The following LYZL2 variants were observed in gnomAD, a reference collection of about 807,000 sequenced individuals.
LYZL2 encodes lysozyme like 2, also known as lysozyme-like protein 2.
Under a neutral mutation model 17.1 loss-of-function variants are expected in LYZL2, and 13 were observed. The ratio of observed to expected loss-of-function variants is 0.76; its 90% confidence interval spans 0.49 to 1.21. LYZL2 has a LOEUF of 1.21. Among genes scored for constraint, LYZL2 ranks in the 50% most tolerant of loss-of-function variants. LYZL2 has a pLI of 0.00. For missense variants in LYZL2, 166 were observed against 189.2 expected (o/e 0.88, Z 0.72); for synonymous variants, 63 against 74.4 (o/e 0.85, Z 0.79).
downstream of LYZL2, among the ~76,000 whole-genome samples, chr10:30,611,570 G>GGAAA (rs71023593): frequency 0.021 from 1,124 of 53,968 alleles, 31 homozygotes; most frequent in Non-Finnish European, 0.024. Flanking sequence ...AAGGAAGGAA[G>GGAAA]GAAAGAAAGA....
chr10:30,628,113 T>C (rs753970151), intron 1 of LYZL2, among the ~76,000 whole-genome samples: 4 of 151,980 alleles, frequency 2.6e-5, no homozygotes, highest in Non-Finnish European at 5.9e-5. Context: ...TGAGCGGAGA[T>C]TGCGCCACTG....
intron 3 of LYZL2, among the ~76,000 whole-genome samples, chr10:30,613,482 G>C (rs546071634): frequency 9.6e-5 from 14 of 145,116 alleles, no homozygotes; most frequent in African/African-American, 3.6e-4. Flanking sequence ...GGGCAACAGA[G>C]TGAGACTCTG....
chr10:30,610,211 G>C (rs951359528), downstream of LYZL2, among the ~76,000 whole-genome samples: 2 of 152,182 alleles, frequency 1.3e-5, no homozygotes, highest in African/African-American at 4.8e-5. Context: ...TCTGGGCTGG[G>C]TTTGAAAAGC....
rs867335257 is a variant in LYZL2 at position 30,626,625 on chromosome 10, G to A, written c.139+152C>T. Reference sequence around the variant, plus strand: ...CAGGGGAGGAAGGAGAGGAGACCCAGAGAGCCACAGTTAGGCCAGCAGCCA... The same window carrying A: ...CAGGGGAGGAAGGAGAGGAGACCCAAAGAGCCACAGTTAGGCCAGCAGCCA... On this transcript the variant is annotated intron_variant, in intron 2 of 4. Coordinates refer to ENST00000647634, the MANE Select transcript of LYZL2 (RefSeq NM_183058.3). 2.8e-6 allele frequency: 3 copies of A among 1,061,682 alleles called. No homozygotes were observed. The Middle Eastern group carries it at 8.9e-4, about 315-fold the overall frequency. 65.8% of individuals were successfully genotyped at this position (1,061,682 alleles called of 1,614,324 possible).
intron 3 of LYZL2, among the ~76,000 whole-genome samples, chr10:30,616,775 T>C (rs534218009): frequency 1.3e-5 from 2 of 152,378 alleles, no homozygotes; most frequent in Admixed American, 1.3e-4. Flanking sequence ...GCTTAAATTC[T>C]GTTTTCCTCT....
At chr10:30,619,279 G>T (rs962925600) in intron 3 of LYZL2, among the ~76,000 whole-genome samples, 1 of 152,166 alleles carries the variant, frequency 6.6e-6, no homozygotes, top group Admixed American at 6.5e-5. Flanking sequence ...CAATTCCTCA[G>T]GGATCTAGAA....
intron 3 of LYZL2, among the ~76,000 whole-genome samples, chr10:30,622,564 G>GA (rs143501802): frequency 0.6 from 90,602 of 150,160 alleles, 27,872 homozygotes; most frequent in Non-Finnish European, 0.63. Context: ...AACAAAAAAA[G>GA]AAAAAAAAAG....
chr10:30,620,523 T>C (rs528800016), intron 3 of LYZL2, among the ~76,000 whole-genome samples: 14 of 152,350 alleles, frequency 9.2e-5, no homozygotes, highest in Admixed American at 5.9e-4. Flanking sequence ...GTGTCTTTTG[T>C]TGAAATTCTT....
downstream of LYZL2, among the ~76,000 whole-genome samples, chr10:30,611,575 GAAAGAAAGAAAGAAAGAAAGAAAGAAA>G (rs1564405895): frequency 7.1e-4 from 69 of 97,738 alleles, no homozygotes; most frequent in African/African-American, 2.9e-3. Context: ...AGGAAGGAAA[GAAAGAAAGAAAGAAAGAAAGAAAGAAA>G]GAAAGAAAGA....
chr10:30,616,693 T>A (rs901606447), intron 3 of LYZL2, among the ~76,000 whole-genome samples: 1 of 152,216 alleles, frequency 6.6e-6, no homozygotes, highest in African/African-American at 2.4e-5. Flanking sequence ...AACAACCATT[T>A]CTATGGGTAC....
intron 3 of LYZL2, among the ~76,000 whole-genome samples, chr10:30,618,445 C>T (rs1029258721): frequency 3.0e-4 from 46 of 152,302 alleles, no homozygotes; most frequent in Non-Finnish European, 5.3e-4. Flanking sequence ...GCTACAGTAA[C>T]CAAAACAGCA....
intron 3 of LYZL2, among the ~76,000 whole-genome samples, chr10:30,614,609 C>T (rs747057403): frequency 1.3e-5 from 2 of 152,202 alleles, no homozygotes; most frequent in Non-Finnish European, 2.9e-5. Context: ...ACTCAAACCA[C>T]TTGATCTCAT....
At chr10:30,622,898 C>T (rs1838647541) in intron 3 of LYZL2, among the ~76,000 whole-genome samples, 1 of 152,188 alleles carries the variant, frequency 6.6e-6, no homozygotes, top group South Asian at 2.1e-4. Context: ...CTCTACATGA[C>T]TTATAAATAA....
At chr10:30,609,027 A>G (rs150808568), downstream of LYZL2, among the ~76,000 whole-genome samples, 486 of 152,092 alleles carry the variant, frequency 3.2e-3, 2 homozygotes, top group African/African-American at 0.011. Context: ...TTTTGTAGAG[A>G]TGGGGTCTCA....
At chr10:30,609,715 T>G (rs771535305), downstream of LYZL2, among the ~76,000 whole-genome samples, 3 of 152,168 alleles carry the variant, frequency 2.0e-5, no homozygotes, top group Non-Finnish European at 4.4e-5. Flanking sequence ...CTTCCAAATA[T>G]CTATAAAGGG....
At chr10:30,613,377 G>A (rs1003371133) in intron 3 of LYZL2, among the ~76,000 whole-genome samples, 1 of 151,962 alleles carries the variant, frequency 6.6e-6, no homozygotes, top group Non-Finnish European at 1.5e-5. Context: ...CACACCTGTG[G>A]TCTCAGCTAC....
intron 3 of LYZL2, among the ~76,000 whole-genome samples, chr10:30,617,891 G>C (rs1166370961): frequency 1.3e-5 from 2 of 151,976 alleles, no homozygotes; most frequent in Non-Finnish European, 2.9e-5. Context: ...AATTATCCCT[G>C]TTTGCAGATG....
chr10:30,625,590 G>T (rs1439632323), intron 3 of LYZL2, among the ~76,000 whole-genome samples: 2 of 152,132 alleles, frequency 1.3e-5, no homozygotes, highest in Non-Finnish European at 2.9e-5. Context: ...ACCCAGAGGA[G>T]GGAAGGTTGC....
At chr10:30,619,025 C>G (rs553142823) in intron 3 of LYZL2, among the ~76,000 whole-genome samples, 4 of 152,328 alleles carry the variant, frequency 2.6e-5, no homozygotes, top group Admixed American at 2.0e-4. Context: ...AGTATATGAA[C>G]AGACACTTCT....
Sources: gnomAD v4.1 joint callset for allele counts (sites outside exome capture counted in the v4.1 genomes callset) on GRCh38, gnomAD v4.1.1 for gene constraint, MANE v1.5 for transcripts, NCBI Gene and HGNC (gene_info 2026-07-23, HGNC 2026-07-21) for gene names.